PCDHA12: variants seen among roughly 807,000 people sequenced by gnomAD.
PCDHA12 encodes protocadherin alpha 12.
A neutral mutation model predicts 60.0 loss-of-function variants in PCDHA12; 44 were observed. The ratio of observed to expected loss-of-function variants is 0.73; its 90% CI spans 0.58 to 0.94. The LOEUF is 0.94. PCDHA12 is among the 40% of genes least tolerant of loss of function. The pLI is 0.00. For missense variants in PCDHA12, 1,276 were observed against 1,239.7 expected, an observed-to-expected ratio of 1.03 and a Z score of -0.44; for synonymous variants, 569 against 553.0, an observed-to-expected ratio of 1.03 and a Z score of -0.40.
At chr5:140,899,964 T>A (rs543512832) in intron 1 of PCDHA12, among the ~76,000 whole-genome samples, 3 of 151,824 alleles carry the variant, frequency 2.0e-5, no homozygotes, top group African/African-American at 7.3e-5. Flanking sequence ...TGTGCTGCCA[T>A]GCCCAGCTAC....
intron 1 of PCDHA12, among the ~76,000 whole-genome samples, chr5:140,973,634 C>T (rs2096596343): frequency 6.6e-6 from 1 of 152,220 alleles, no homozygotes; most frequent in African/African-American, 2.4e-5. Flanking sequence ...ATCTTGTACA[C>T]ATTCTGACTG....
intron 1 of PCDHA12, among the ~76,000 whole-genome samples, chr5:140,926,076 T>C (rs2082906284): frequency 1.3e-5 from 2 of 152,204 alleles, no homozygotes; most frequent in Admixed American, 1.3e-4. Context: ...TCGTCTCTAT[T>C]GCCCTCTTGG....
At position 140,876,706 on chromosome 5, in the gene PCDHA12, G is replaced by C; in HGVS notation, c.1234G>C (p.Ala412Pro). 6.2e-7 allele frequency: 1 copy of C among 1,614,214 alleles called. No individual in the cohort carries two copies. The highest frequency in any genetic ancestry group is 1.1e-5 in the South Asian group (1 of 91,088). Residue 412 changes from alanine (A) to proline (P), a missense_variant, in exon 1 of 4, where the codon GCC becomes CCC. Coordinates refer to ENST00000398631, the MANE Select transcript of PCDHA12 (RefSeq NM_018903.4). ...KNYYSLVLDS[A>P]LDRESVSAYE... ...TTACTACTCGTTGGTGCTGGACAGCGCCCTGGACCGCGAGAGCGTGTCGGC... is the reference window on the plus strand; with the variant it reads ...TTACTACTCGTTGGTGCTGGACAGCCCCCTGGACCGCGAGAGCGTGTCGGC...
chr5:140,961,965 C>T (rs1292120191), intron 1 of PCDHA12, among the ~76,000 whole-genome samples: 9 of 151,536 alleles, frequency 5.9e-5, no homozygotes, highest in Non-Finnish European at 8.8e-5. Context: ...CTCACTGCAA[C>T]CTCCGCCTCC....
intron 1 of PCDHA12, among the ~76,000 whole-genome samples, chr5:140,978,099 C>T (rs547323907): frequency 1.1e-4 from 17 of 152,292 alleles, no homozygotes; most frequent in African/African-American, 3.6e-4. Flanking sequence ...ACATAACTCC[C>T]CCAACAGTCT....
chr5:140,928,944 A>G (rs782627710), intron 1 of PCDHA12: 1 of 1,614,070 alleles, frequency 6.2e-7, no homozygotes, highest in South Asian at 1.1e-5. Context: ...ACTTGTATTT[A>G]GTAATTGCCT....
At chr5:140,966,860 T>TTGC (rs148181752) in intron 1 of PCDHA12, 11 of 1,577,372 alleles carry the variant, frequency 7.0e-6, no homozygotes, top group Non-Finnish European at 9.4e-6. Flanking sequence ...CCTGCTGCTG[T>TTGC]TGCTGCTGCT....
chr5:140,966,690 G>T, intron 1 of PCDHA12: 1 of 1,349,568 alleles, frequency 7.4e-7, no homozygotes, highest in Non-Finnish European at 9.5e-7. Context: ...AGCGGAGGCG[G>T]GGCCCGGGCG....
chr5:140,876,266 A>T lies in PCDHA12; in HGVS notation c.794A>T (p.Asn265Ile). 1 of 1,614,012 alleles carries T rather than the reference A, an allele frequency of 6.2e-7. No homozygotes were observed. Among genetic ancestry groups the T allele is most frequent in the South Asian group, 1.1e-5 (1 of 91,088 alleles). Reference sequence around the variant, plus strand: ...AACGACACAAGAGTGATCCAACTAAATGCTTCCGATCCAGACGAAGGACTT... The same window carrying T: ...AACGACACAAGAGTGATCCAACTAATTGCTTCCGATCCAGACGAAGGACTT... ...VQNDTRVIQL[N>I]ASDPDEGLNG... Residue 265 changes from asparagine to isoleucine, a missense_variant, in exon 1 of 4, where the codon AAT (asparagine) becomes ATT (isoleucine). Asn to Ile is a moderately radical substitution (Grantham distance 149). Coordinates refer to ENST00000398631, the MANE Select transcript of PCDHA12 (RefSeq NM_018903.4).
At chr5:140,973,328 C>T (rs1315251124) in intron 1 of PCDHA12, among the ~76,000 whole-genome samples, 1 of 152,114 alleles carries the variant, frequency 6.6e-6, no homozygotes, top group Non-Finnish European at 1.5e-5. Flanking sequence ...AGTTTACACT[C>T]GTTGTAAAGT....
At chr5:140,969,149 G>T (rs782510891) in intron 1 of PCDHA12, 9 of 1,614,120 alleles carry the variant, frequency 5.6e-6, no homozygotes, top group Admixed American at 1.7e-5. Context: ...CTGCTACAAG[G>T]CCTGTCTGAC....
At chr5:140,934,901 T>C (rs1270837168) in intron 1 of PCDHA12, among the ~76,000 whole-genome samples, 1 of 152,192 alleles carries the variant, frequency 6.6e-6, no homozygotes, top group African/African-American at 2.4e-5. Flanking sequence ...CCTTTTATTT[T>C]GGAATAATTA....
chr5:141,000,421 ATTTTTT>A (rs34755515), intron 3 of PCDHA12, among the ~76,000 whole-genome samples: 34 of 27,962 alleles, frequency 1.2e-3, no homozygotes, highest in East Asian at 9.9e-3. Context: ...ATATATATAT[ATTTTTT>A]TTTTTTTTTT....
At chr5:140,971,892 G>T in intron 1 of PCDHA12, among the ~76,000 whole-genome samples, 1 of 151,812 alleles carries the variant, frequency 6.6e-6, no homozygotes, top group African/African-American at 2.4e-5. Context: ...AGCTCAGGGA[G>T]GTTAGGTAAT....
intron 1 of PCDHA12, among the ~76,000 whole-genome samples, chr5:140,974,552 C>A (rs1554236185): frequency 6.6e-6 from 1 of 152,112 alleles, no homozygotes; most frequent in Non-Finnish European, 1.5e-5. Context: ...GCTCTTGTTG[C>A]CCAGGCTGGA....
At position 140,957,203 on chromosome 5, in the gene PCDHA12, A is replaced by T. The variant is rs921844658; in HGVS notation, c.2368-21746A>T. 3.3e-5 allele frequency among the ~76,000 whole-genome samples: 5 copies of T among 152,184 alleles called. 1 individual carries two copies. In the South Asian group the frequency reaches 6.2e-4, roughly 19 times the overall value. ...TATTGATGACCGATTGGGAATATAAATAGGCACAAAAATTTGGCGAAGCAT... is the reference window on the plus strand; with the variant it reads ...TATTGATGACCGATTGGGAATATAATTAGGCACAAAAATTTGGCGAAGCAT... On this transcript the variant is annotated intron_variant, in intron 1 of 3. Transcript: ENST00000398631.
intron 1 of PCDHA12, among the ~76,000 whole-genome samples, chr5:140,932,481 C>T (rs945796094): frequency 6.6e-6 from 1 of 151,842 alleles, no homozygotes; most frequent in African/African-American, 2.4e-5. Flanking sequence ...AGGATATCTC[C>T]TCTTTGCAAT....
At chr5:140,951,071 C>T (rs246044) in intron 1 of PCDHA12, among the ~76,000 whole-genome samples, 86,232 of 151,532 alleles carry the variant, frequency 0.57, 25,208 homozygotes, top group African/African-American at 0.71. Flanking sequence ...CATTGGCTTT[C>T]TTATATTTTC....
At chr5:140,974,614 C>T (rs757071183) in intron 1 of PCDHA12, among the ~76,000 whole-genome samples, 3 of 152,070 alleles carry the variant, frequency 2.0e-5, no homozygotes, top group East Asian at 1.9e-4. Context: ...AGGGTTCAAG[C>T]GATTCTCCTG....
Sources: allele counts gnomAD v4.1 joint callset (sites outside exome capture counted in the v4.1 genomes callset), GRCh38; gene constraint gnomAD v4.1.1; transcripts MANE v1.5; gene names NCBI Gene and HGNC (gene_info 2026-07-23, HGNC 2026-07-21).